Variants in ZNF407 observed in about 807,000 individuals in gnomAD.
ZNF407 encodes the protein zinc finger protein 407.
In ZNF407, 17 loss-of-function variants were observed where a neutral mutation model predicts 131.2. The observed-to-expected ratio is 0.13, with a 90% confidence interval of 0.09 to 0.19. The LOEUF is 0.19. Ranked by LOEUF, ZNF407 falls within the 10% of genes least tolerant of loss-of-function variation. The pLI is 1.00. For missense variants in ZNF407, 2,681 were observed against 2,830.6 expected, an observed-to-expected ratio of 0.95 and a Z score of 1.20; for synonymous variants, 1,156 against 1,062.0, an observed-to-expected ratio of 1.09 and a Z score of -1.72.
At chr18:74,739,026 G>A (rs1007820604) in intron 3 of ZNF407, among the ~76,000 whole-genome samples, 1 of 151,986 alleles carries the variant, frequency 6.6e-6, no homozygotes, top group African/African-American at 2.4e-5. Context: ...AGTGTTAGGA[G>A]CTGCTTGATT....
chr18:75,007,083 T>C (rs1972919346), intron 8 of ZNF407, among the ~76,000 whole-genome samples: 1 of 152,178 alleles, frequency 6.6e-6, no homozygotes, highest in African/African-American at 2.4e-5. Flanking sequence ...TCTTTGAAAG[T>C]TTCATAGAGC....
intron 1 of ZNF407, chr18:74,598,273 G>C (rs1438530668): frequency 1.3e-5 from 2 of 152,254 alleles, no homozygotes; most frequent in Non-Finnish European, 2.9e-5. Context: ...CTCGCTCCGC[G>C]CCCTTGCGCG....
intron 1 of ZNF407, among the ~76,000 whole-genome samples, chr18:74,605,910 G>A (rs1982785495): frequency 6.6e-6 from 1 of 152,206 alleles, no homozygotes; most frequent in South Asian, 2.1e-4. Flanking sequence ...TTCCTGGACC[G>A]TCGGTGGAGA....
intron 1 of ZNF407, among the ~76,000 whole-genome samples, chr18:74,613,623 A>G (rs150217960): frequency 7.2e-5 from 11 of 152,334 alleles, no homozygotes; most frequent in Non-Finnish European, 1.6e-4. Flanking sequence ...GAGATCCCTT[A>G]TGGGGAAATA....
chr18:74,872,016 C>T (rs772996677), intron 4 of ZNF407, among the ~76,000 whole-genome samples: 14 of 151,970 alleles, frequency 9.2e-5, no homozygotes, highest in African/African-American at 1.7e-4. Flanking sequence ...ACTACAGTTA[C>T]GTGCCACCAT....
intron 3 of ZNF407, among the ~76,000 whole-genome samples, chr18:74,733,079 TGTTAA>T (rs963249290): frequency 5.3e-5 from 8 of 152,250 alleles, no homozygotes; most frequent in Non-Finnish European, 8.8e-5. Context: ...AGTGTTTAAC[TGTTAA>T]GTTATCAATT....
chr18:74,776,357 G>A (rs980460241), intron 3 of ZNF407, among the ~76,000 whole-genome samples: 8 of 152,182 alleles, frequency 5.3e-5, no homozygotes, highest in African/African-American at 1.9e-4. Context: ...TGTTGTAGAA[G>A]CCCTGACTGA....
At chr18:74,760,066 C>T (rs1271993551) in intron 3 of ZNF407, among the ~76,000 whole-genome samples, 1 of 151,908 alleles carries the variant, frequency 6.6e-6, no homozygotes, top group African/African-American at 2.4e-5. Context: ...AATCAGATCC[C>T]TTCCTCCTCA....
chr18:74,814,894 A>G (rs1470045627), intron 4 of ZNF407, among the ~76,000 whole-genome samples: 1 of 152,042 alleles, frequency 6.6e-6, no homozygotes, highest in Non-Finnish European at 1.5e-5. Flanking sequence ...GAGATACATT[A>G]TGAAATATAC....
intron 8 of ZNF407, among the ~76,000 whole-genome samples, chr18:75,023,000 A>G (rs1973128804): frequency 6.6e-6 from 1 of 152,222 alleles, no homozygotes; most frequent in African/African-American, 2.4e-5. Context: ...CTATGCAGCC[A>G]TGAAACGAAC....
At position 75,001,609 on chromosome 18, in the gene ZNF407, C is replaced by T. The variant is rs74622561; in HGVS notation, c.5429-61541C>T. ...GAAACAGAATGCGTTCAACCCAGCA[C>T]ACATGATGGAATCTTTCCTCAAAAG... On this transcript the variant is annotated intron_variant, in intron 8 of 8. Transcript: ENST00000299687. Among the ~76,000 whole-genome samples the T allele has an allele frequency of 2.8e-3, 419 of 152,326 alleles. 2 individuals are homozygous for T. Among genetic ancestry groups the T allele is most frequent in the African/African-American group, 9.2e-3 (384 of 41,568 alleles).
At chr18:74,673,684 G>A (rs2144758115) in intron 3 of ZNF407, among the ~76,000 whole-genome samples, 1 of 152,290 alleles carries the variant, frequency 6.6e-6, no homozygotes, top group South Asian at 2.1e-4. Context: ...TAGCTTGTCA[G>A]TAGGTATTTA....
chr18:74,667,964 C>T lies in ZNF407; in HGVS notation c.4802+26842C>T, dbSNP rs138332078. 4.7e-3 allele frequency among the ~76,000 whole-genome samples: 710 copies of T among 152,194 alleles called. 8 individuals are homozygous for T. The highest frequency in any genetic ancestry group is 0.043 in the East Asian group (224 of 5,182). ...AATTTTGTTTACTTTGAGAAATTCACTGAAGCAGAGTTTAGGAGAGTGCTT... is the reference window on the plus strand; with the variant it reads ...AATTTTGTTTACTTTGAGAAATTCATTGAAGCAGAGTTTAGGAGAGTGCTT... On this transcript the variant is annotated intron_variant, in intron 3 of 8. Coordinates refer to ENST00000299687, the MANE Select transcript of ZNF407 (RefSeq NM_017757.3).
intron 3 of ZNF407, among the ~76,000 whole-genome samples, chr18:74,711,732 A>T (rs1039155267): frequency 1.3e-5 from 2 of 152,114 alleles, no homozygotes; most frequent in Non-Finnish European, 1.5e-5. Flanking sequence ...ATTTTTTGAG[A>T]TGGAGTCTCT....
At chr18:74,779,770 TA>T (rs903545687) in intron 3 of ZNF407, among the ~76,000 whole-genome samples, 68 of 152,290 alleles carry the variant, frequency 4.5e-4, no homozygotes, top group African/African-American at 1.6e-3. Context: ...TGTTTTCTAT[TA>T]AAAACTGCAC....
Position 74,635,566 on chromosome 18 carries a change from T to C in ZNF407, c.4547T>C (p.Val1516Ala). 5.6e-6 allele frequency: 9 copies of C among 1,613,542 alleles called. No individual in the cohort carries two copies. Among genetic ancestry groups the C allele is most frequent in the Non-Finnish European group, 7.6e-6 (9 of 1,179,752 alleles). The part of the protein sequence containing the change: ...KGQHEELLRE[V>A]NKYIVEDTEQ... ...CAGCATGAGGAATTGCTGCGGGAGG[T>C]GAATAAGTATATAGTGGAAGACACT... The change falls in exon 2 of 9, where the codon GTG becomes GCG. Residue 1516 changes from valine to alanine, a missense_variant. Around this residue, in one of 6 missense-constraint regions of ZNF407, gnomAD observed 213 missense variants for 332.2 expected, o/e 0.64. Transcript: ENST00000299687. This position sits in a 1 kb window ranked among gnomAD's most constrained non-coding sequence, Gnocchi z 4.7.
intron 3 of ZNF407, among the ~76,000 whole-genome samples, chr18:74,677,754 C>G (rs1986452089): frequency 6.6e-6 from 1 of 152,080 alleles, no homozygotes; most frequent in Admixed American, 6.6e-5. Context: ...ATTGAAGCCC[C>G]TTTGGGTCCA....
chr18:75,049,097 T>TTGG (rs1568311596), intron 8 of ZNF407, among the ~76,000 whole-genome samples: 4 of 122,772 alleles, frequency 3.3e-5, no homozygotes, highest in African/African-American at 1.1e-4. Flanking sequence ...TTTTTTTTTT[T>TTGG]TGGGTGGGGG....
chr18:74,798,222 A>ACACC (rs1289644742), intron 4 of ZNF407, among the ~76,000 whole-genome samples: 1 of 151,518 alleles, frequency 6.6e-6, no homozygotes, highest in Non-Finnish European at 1.5e-5. Context: ...ACACACACAC[A>ACACC]CACACACACA....
Sources: allele counts gnomAD v4.1 joint callset (sites outside exome capture counted in the v4.1 genomes callset), GRCh38; gene constraint gnomAD v4.1.1; regional missense constraint gnomAD v4.1.1; non-coding constraint Gnocchi (gnomAD v3.1); transcripts MANE v1.5; gene names NCBI Gene and HGNC (gene_info 2026-07-23, HGNC 2026-07-21).